Variants in CHD9 observed in about 807,000 individuals in gnomAD.
The protein encoded by CHD9 is ATP-dependent chromatin remodeler CHD9.
A neutral mutation model predicts 316.1 loss-of-function variants in CHD9; 77 were observed. The ratio of observed to expected loss-of-function variants is 0.24; its 90% CI spans 0.20 to 0.29. The LOEUF (loss-of-function observed/expected upper bound fraction) is 0.29, where lower values mean the gene tolerates loss of function less well. Ranked by LOEUF, CHD9 falls within the 10% of genes least tolerant of loss-of-function variation. The pLI is 1.00. For synonymous variants in CHD9, 1,129 were observed against 1,158.3 expected (o/e 0.97, Z 0.51); for missense variants, 2,763 against 3,438.1 (o/e 0.80, Z 4.91).
intron 1 of CHD9, among the ~76,000 whole-genome samples, chr16:53,076,468 A>G (rs1032105177): frequency 6.6e-6 from 1 of 152,116 alleles, no homozygotes; most frequent in Non-Finnish European, 1.5e-5. Context: ...CCAGCTACTC[A>G]GGAGGCTGAG....
intron 24 of CHD9, among the ~76,000 whole-genome samples, chr16:53,274,975 G>T (rs924127244): frequency 6.6e-6 from 1 of 152,040 alleles, no homozygotes; most frequent in Admixed American, 6.6e-5. Context: ...ATTAAGAATG[G>T]TATCTAATGG....
At position 53,227,533 on chromosome 16, in the gene CHD9, A is replaced by G; in HGVS notation, c.2113-15A>G. The G allele has an allele frequency of 6.8e-7, 1 of 1,476,360 alleles. No individual in the cohort carries two copies. The highest frequency in any genetic ancestry group is 1.4e-5 in the African/African-American group (1 of 70,452). 91.5% of individuals were successfully genotyped at this position (1,476,360 alleles called of 1,614,324 possible). A position where few individuals can be genotyped will look rare whatever the true frequency, so the allele number is the denominator to read the frequency against. On this transcript the variant is annotated splice_polypyrimidine_tract_variant and intron_variant, in intron 6 of 38. Coordinates refer to ENST00000447540, the MANE Select transcript of CHD9 (RefSeq NM_001308319.2). ...CTGTTTAAAAGAGTCACCATTACTGATTTTCTTTTCTTAGATATCACCTGG... is the reference window on the plus strand; with the variant it reads ...CTGTTTAAAAGAGTCACCATTACTGGTTTTCTTTTCTTAGATATCACCTGG...
At chr16:53,080,862 T>C (rs1013129496) in intron 1 of CHD9, among the ~76,000 whole-genome samples, 2 of 152,202 alleles carry the variant, frequency 1.3e-5, no homozygotes, top group East Asian at 3.9e-4. Flanking sequence ...GTGACTTGCA[T>C]TGCCCCAGGA....
intron 1 of CHD9, among the ~76,000 whole-genome samples, chr16:53,089,297 A>C (rs1429145158): frequency 6.6e-6 from 1 of 152,148 alleles, no homozygotes; most frequent in Non-Finnish European, 1.5e-5. Context: ...AAAAAACAAA[A>C]CAAAACAAAA....
chr16:53,263,653 A>G (rs1305661314), intron 20 of CHD9, among the ~76,000 whole-genome samples: 1 of 152,130 alleles, frequency 6.6e-6, no homozygotes, highest in African/African-American at 2.4e-5. Context: ...CCAATTATCA[A>G]AATAACAGCT....
rs1567515632 is a variant in CHD9 at position 53,226,468 on chromosome 16, A to G, written c.1999A>G (p.Asn667Asp). Reference protein sequence around the residue: ...EVKGSMKIKKNSAPLPGEQPL... With the variant: ...EVKGSMKIKKDSAPLPGEQPL... ...TAAAGGTTCTATGAAAATAAAAAAGAATTCAGCTCCTTTACCTGGTGAACA... is the reference window on the plus strand; with the variant it reads ...TAAAGGTTCTATGAAAATAAAAAAGGATTCAGCTCCTTTACCTGGTGAACA... The change falls in exon 5 of 39, where the codon AAT becomes GAT. Residue 667 changes from asparagine to aspartate, a missense_variant. Physicochemically the swap from Asn to Asp is conservative, Grantham distance 23. Transcript: ENST00000447540. 3 of 1,608,622 alleles carry G rather than the reference A, an allele frequency of 1.9e-6. No individual in the cohort carries two copies. Among genetic ancestry groups the G allele is most frequent in the Non-Finnish European group, 1.7e-6 (2 of 1,178,618 alleles).
At chr16:53,152,635 C>G (rs1043273908) in intron 1 of CHD9, among the ~76,000 whole-genome samples, 2 of 152,200 alleles carry the variant, frequency 1.3e-5, no homozygotes, top group African/African-American at 4.8e-5. Context: ...AGAGGAGTGT[C>G]CTGAATTAAC....
chr16:53,306,034 T>C lies in CHD9; in HGVS notation c.6620-203T>C, dbSNP rs138763095. 6.4e-3 allele frequency among the ~76,000 whole-genome samples: 975 copies of C among 152,292 alleles called. 7 individuals are homozygous for C. Among genetic ancestry groups the C allele is most frequent in the Non-Finnish European group, 0.011 (727 of 68,012 alleles). On this transcript the variant is annotated intron_variant, in intron 31 of 38. Coordinates refer to ENST00000447540, the MANE Select transcript of CHD9 (RefSeq NM_001308319.2). ...GAGCCCAGGAGTTCTGTCCAGGCTG[T>C]GCAACACAGCAAGACCCTGTCTCTT...
chr16:53,237,422 T>TA (rs2048725588), intron 11 of CHD9, among the ~76,000 whole-genome samples: 2 of 152,266 alleles, frequency 1.3e-5, no homozygotes, highest in South Asian at 4.1e-4. Context: ...AACCTAATCT[T>TA]ATTGGATTTG....
intron 1 of CHD9, among the ~76,000 whole-genome samples, chr16:53,071,313 G>C (rs977888605): frequency 6.6e-6 from 1 of 152,118 alleles, no homozygotes; most frequent in African/African-American, 2.4e-5. Flanking sequence ...ATACTAATAT[G>C]GTAGTCATTT....
intron 37 of CHD9, 42 bp from the exon 38 acceptor site, chr16:53,321,484 A>T: frequency 3.4e-6 from 5 of 1,485,630 alleles, no homozygotes; most frequent in Non-Finnish European, 4.5e-6. Context: ...AGAGTTTTCT[A>T]TGTAACAGTG....
At chr16:53,319,893 A>G (rs2057148015) in intron 37 of CHD9, 2 of 1,082,876 alleles carry the variant, frequency 1.8e-6, no homozygotes, top group South Asian at 1.7e-5. Context: ...TCCATTTTCA[A>G]TAGAAGCTTA....
chr16:53,292,619 C>A (rs1437069654), intron 28 of CHD9, among the ~76,000 whole-genome samples: 2 of 152,100 alleles, frequency 1.3e-5, no homozygotes, highest in Non-Finnish European at 2.9e-5. Context: ...CTGTGCAAAT[C>A]TTTATTCCAC....
In CHD9 at chr16:53,292,808, A is replaced by C. The variant is rs1597856735; in HGVS notation, c.5291-25A>C. 1.9e-6 allele frequency: 3 copies of C among 1,539,134 alleles called. No homozygotes were observed. In the East Asian group the frequency reaches 6.7e-5, roughly 34 times the overall value. On this transcript the variant is annotated intron_variant, in intron 28 of 38. Coordinates refer to ENST00000447540, the MANE Select transcript of CHD9 (RefSeq NM_001308319.2). ...TTCATACAGTATCTGTTTAGTTATT[A>C]TTACTATTACTTATTTAACTATAGA...
intron 2 of CHD9, among the ~76,000 whole-genome samples, chr16:53,163,073 G>C (rs538960969): frequency 6.6e-6 from 1 of 152,174 alleles, no homozygotes; most frequent in African/African-American, 2.4e-5. Flanking sequence ...ATAAAAAAAT[G>C]GGTATCAAAA....
At chr16:53,298,063 A>G (rs892691842) in intron 30 of CHD9, among the ~76,000 whole-genome samples, 2 of 152,222 alleles carry the variant, frequency 1.3e-5, no homozygotes, top group African/African-American at 4.8e-5. Context: ...GAATATATTC[A>G]TCACTTTTGA....
In CHD9 at chr16:53,157,391, T is replaced by A; in HGVS notation, c.1302T>A (p.His434Gln). 1 of 1,614,002 alleles carries A rather than the reference T, an allele frequency of 6.2e-7. No homozygotes were observed. The highest frequency in any genetic ancestry group is 2.2e-5 in the East Asian group (1 of 44,888). Residue 434 changes from histidine to glutamine, a missense_variant, in exon 2 of 39, where the codon CAT (histidine) becomes CAA (glutamine). Transcript: ENST00000447540. ...ATAATTCAAGTCACATTTTAGATCA[T>A]GACCTTGATCGGCAGTTTACTTCGC... is the stretch of plus-strand genomic sequence containing the variant. The part of the protein sequence containing the change: ...GQDNSSHILD[H>Q]DLDRQFTSHL...
rs746657904 is a variant in CHD9, at chr16:53,324,567, A to G, written c.8366A>G (p.Asn2789Ser). ...GCATTAAATACAGCTGCAGCTGCCA[A>G]CCCATTAGCTCTTAACCCACTATTA... ...TAALNTAAAA[N>S]PLALNPLLLS... The change falls in exon 39 of 39, where the codon AAC becomes AGC. Residue 2789 changes from asparagine to serine, a missense_variant. Asn to Ser is a conservative substitution (Grantham distance 46). Transcript: ENST00000447540. 24 of 1,613,600 alleles carry G rather than the reference A, an allele frequency of 1.5e-5. No individual in the cohort carries two copies. Among genetic ancestry groups the G allele is most frequent in the Non-Finnish European group, 1.9e-5 (23 of 1,179,800 alleles).
chr16:53,070,367 T>C (rs1416528568), intron 1 of CHD9, among the ~76,000 whole-genome samples: 1 of 152,188 alleles, frequency 6.6e-6, no homozygotes, highest in Non-Finnish European at 1.5e-5. Context: ...AAGAGTGTTA[T>C]GGTTTTAGCT....
Sources: gnomAD v4.1 joint callset for allele counts (sites outside exome capture counted in the v4.1 genomes callset) on GRCh38, gnomAD v4.1.1 for gene constraint, MANE v1.5 for transcripts, NCBI Gene and HGNC (gene_info 2026-07-23, HGNC 2026-07-21) for gene names.